Variants in PSME3IP1 observed in about 807,000 individuals in gnomAD.
PSME3IP1 encodes the protein PSME3-interacting protein.
A neutral mutation model predicts 34.1 loss-of-function variants in PSME3IP1; 13 were observed. That is an observed-to-expected ratio of 0.38 (90% CI 0.25 to 0.61). The LOEUF (loss-of-function observed/expected upper bound fraction) is 0.61, where lower values mean the gene tolerates loss of function less well. PSME3IP1 is among the 20% of genes least tolerant of loss of function. The probability of loss-of-function intolerance (pLI) is 0.60; values close to 1 mark genes in which losing one functional copy is unlikely to be tolerated. For missense variants in PSME3IP1, 237 were observed against 301.4 expected (o/e 0.79, Z 1.58); for synonymous variants, 93 against 114.3 (o/e 0.81, Z 1.19).
At chr16:57,181,907 T>C (rs935902928) in intron 1 of PSME3IP1, 11 of 152,228 alleles carry the variant, frequency 7.2e-5, no homozygotes. Context: ...TGTCCACCTA[T>C]CCAGAAGCTC....
intron 6 of PSME3IP1, among the ~76,000 whole-genome samples, chr16:57,163,578 T>C (rs937995762): frequency 6.6e-5 from 10 of 152,204 alleles, no homozygotes; most frequent in Non-Finnish European, 8.8e-5. Flanking sequence ...CTCCTTGAGA[T>C]TGTATTAAGC....
intron 1 of PSME3IP1, chr16:57,179,001 G>A (rs552041654): frequency 5.9e-6 from 1 of 170,656 alleles, no homozygotes; most frequent in African/African-American, 2.4e-5. Context: ...GTTTGCTAGG[G>A]TAATTAAAAA....
At chr16:57,171,191 G>C (rs531051941) in intron 4 of PSME3IP1, among the ~76,000 whole-genome samples, 2 of 152,290 alleles carry the variant, frequency 1.3e-5, no homozygotes, top group African/African-American at 4.8e-5. Flanking sequence ...AAATCTGAGG[G>C]CAGAACATTT....
intron 1 of PSME3IP1, among the ~76,000 whole-genome samples, chr16:57,184,418 C>T (rs567334707): frequency 6.9e-4 from 105 of 152,174 alleles, no homozygotes; most frequent in African/African-American, 2.5e-3. Flanking sequence ...ATACAGAAAA[C>T]CAAACACAAA....
intron 1 of PSME3IP1, chr16:57,174,416 G>A (rs2072980258): frequency 5.1e-6 from 5 of 983,964 alleles, no homozygotes; most frequent in Non-Finnish European, 6.0e-6. Flanking sequence ...CAGTTGGCAA[G>A]AGGACCTGGG....
intron 1 of PSME3IP1, chr16:57,181,532 G>C (rs917224690): frequency 6.6e-6 from 1 of 152,186 alleles, no homozygotes; most frequent in Non-Finnish European, 1.5e-5. Flanking sequence ...CTCTAATTCA[G>C]TTCAATTCTG....
Position 57,154,002 on chromosome 16 carries a change from G to A in PSME3IP1, c.*288C>T, listed in dbSNP as rs2070211843. 2.6e-6 allele frequency: 1 copy of A among 387,076 alleles called. No individual in the cohort carries two copies. Among genetic ancestry groups the A allele is most frequent in the Non-Finnish European group, 4.7e-6 (1 of 213,538 alleles). The allele number at this position is 387,076 out of a possible 1,614,324, so 24.0% of individuals were successfully genotyped here. ...AGCCAGCCGGTGCCTATTCTCCTGG[G>A]GCATTTTTAGTGGAACTTCGGCTGG... On this transcript the variant is annotated 3_prime_UTR_variant, in exon 7 of 7. Transcript: ENST00000309137. The surrounding 1 kb of genome is among the most constrained non-coding windows in gnomAD (Gnocchi z 4.0).
intron 1 of PSME3IP1, among the ~76,000 whole-genome samples, chr16:57,177,818 C>A (rs1273727568): frequency 6.6e-6 from 1 of 152,000 alleles, no homozygotes; most frequent in South Asian, 2.1e-4. Context: ...TGAGACCCCC[C>A]ATCTCTACAA....
intron 1 of PSME3IP1, among the ~76,000 whole-genome samples, chr16:57,182,028 G>T (rs547191125): frequency 1.3e-5 from 2 of 152,284 alleles, no homozygotes; most frequent in South Asian, 2.1e-4. Flanking sequence ...CTCCCCAGAG[G>T]TTGGACATTG....
intron 5 of PSME3IP1, among the ~76,000 whole-genome samples, chr16:57,166,850 C>T (rs1255142323): frequency 6.6e-6 from 1 of 152,198 alleles, no homozygotes; most frequent in Non-Finnish European, 1.5e-5. Flanking sequence ...TAACACAATG[C>T]CTGGTGTGGC....
At chr16:57,183,897 A>G (rs1367835358) in intron 1 of PSME3IP1, among the ~76,000 whole-genome samples, 1 of 152,228 alleles carries the variant, frequency 6.6e-6, no homozygotes, top group Admixed American at 6.5e-5. Flanking sequence ...CTTCAAAGTA[A>G]AGGTGAACTG....
At chr16:57,185,027 G>A (rs964855464) in intron 1 of PSME3IP1, among the ~76,000 whole-genome samples, 6 of 152,180 alleles carry the variant, frequency 3.9e-5, no homozygotes, top group Non-Finnish European at 2.9e-5. Flanking sequence ...AATAACTGAT[G>A]AATCGACAAA....
intron 1 of PSME3IP1, among the ~76,000 whole-genome samples, chr16:57,182,802 C>T (rs113010062): frequency 0.037 from 5,611 of 151,844 alleles, 108 homozygotes; most frequent in Middle Eastern, 0.11. Flanking sequence ...CCCAGCTACT[C>T]GGGAGGCTGA....
chr16:57,171,068 C>CTTTTGGT (rs770994180), intron 4 of PSME3IP1, among the ~76,000 whole-genome samples: 23 of 132,354 alleles, frequency 1.7e-4, no homozygotes, highest in Non-Finnish European at 3.1e-4. Flanking sequence ...AGAGAAACTC[C>CTTTTGGT]ATCTCAAAAA....
At position 57,165,587 on chromosome 16, in the gene PSME3IP1, G is replaced by A. The variant is rs151278234; in HGVS notation, c.482+1506C>T. Among the ~76,000 whole-genome samples, 129 of 152,246 alleles carry A rather than the reference G, an allele frequency of 8.5e-4. 1 individual carries two copies. Among genetic ancestry groups the A allele is most frequent in the African/African-American group, 2.8e-3 (118 of 41,552 alleles). ...TTCACCAGGCAGCAGAATCACTCAT[G>A]GAACTTTGAAAACTACGACTCCCAG... On this transcript the variant is annotated intron_variant, in intron 5 of 6. Coordinates refer to ENST00000309137, the MANE Select transcript of PSME3IP1 (RefSeq NM_024946.4).
Position 57,172,340 on chromosome 16 carries a change from T to G in PSME3IP1, c.259A>C (p.Thr87Pro), listed in dbSNP as rs747764245. 5 of 1,613,914 alleles carry G rather than the reference T, an allele frequency of 3.1e-6. No individual in the cohort carries two copies. Among genetic ancestry groups the G allele is most frequent in the Non-Finnish European group, 3.4e-6 (4 of 1,179,866 alleles). ...CGAGAAACCTCATCAAGGAAGTTGGTCTCATCTTCATCTAAGCCTCTTACC... is the reference window on the plus strand; with the variant it reads ...CGAGAAACCTCATCAAGGAAGTTGGGCTCATCTTCATCTAAGCCTCTTACC... Reference protein sequence around the residue: ...NMVRGLDEDETNFLDEVSRQQ... With the variant: ...NMVRGLDEDEPNFLDEVSRQQ... Residue 87 changes from threonine to proline, a missense_variant, in exon 4 of 7, where the codon ACC (threonine) becomes CCC (proline). Transcript: ENST00000309137.
At chr16:57,160,267 G>T (rs555678391) in intron 6 of PSME3IP1, among the ~76,000 whole-genome samples, 1 of 150,706 alleles carries the variant, frequency 6.6e-6, no homozygotes, top group Non-Finnish European at 1.5e-5. Flanking sequence ...TCCGCAGTCC[G>T]GCCTGGGCGA....
intron 1 of PSME3IP1, among the ~76,000 whole-genome samples, chr16:57,180,242 AC>A (rs1368230070): frequency 6.6e-6 from 1 of 152,240 alleles, no homozygotes; most frequent in Non-Finnish European, 1.5e-5. Flanking sequence ...TGAAACACAT[AC>A]AATAAAAAAT....
At chr16:57,160,361 A>C in intron 6 of PSME3IP1, among the ~76,000 whole-genome samples, 1 of 152,382 alleles carries the variant, frequency 6.6e-6, no homozygotes, top group East Asian at 1.9e-4. Flanking sequence ...ACACATATAC[A>C]GTATACATTT....
Sources: gnomAD v4.1 joint callset for allele counts (sites outside exome capture counted in the v4.1 genomes callset) on GRCh38, gnomAD v4.1.1 for gene constraint, Gnocchi (gnomAD v3.1) non-coding constraint, MANE v1.5 for transcripts, NCBI Gene and HGNC (gene_info 2026-07-23, HGNC 2026-07-21) for gene names.